SSBP3: variants seen among roughly 807,000 people sequenced by gnomAD.
SSBP3 encodes the protein single-stranded DNA-binding protein 3.
A neutral mutation model predicts 69.6 loss-of-function variants in SSBP3; 5 were observed. That is an observed-to-expected ratio of 0.07 (90% CI 0.04 to 0.15). The LOEUF is 0.15. Among genes scored for constraint, SSBP3 ranks in the 10% least tolerant of loss-of-function variants. SSBP3 has a pLI of 1.00. For synonymous variants in SSBP3, 196 were observed against 193.4 expected (o/e 1.01, Z -0.11); for missense variants, 312 against 534.0 (o/e 0.58, Z 4.10).
At chr1:54,327,033 G>GT (rs1387692757) in intron 4 of SSBP3, among the ~76,000 whole-genome samples, 1 of 152,044 alleles carries the variant, frequency 6.6e-6, no homozygotes, top group Non-Finnish European at 1.5e-5. Flanking sequence ...CGCCAGGGCA[G>GT]AGCCGGGCCT....
intron 4 of SSBP3, among the ~76,000 whole-genome samples, chr1:54,335,001 C>T (rs2100481287): frequency 6.6e-6 from 1 of 152,308 alleles, no homozygotes; most frequent in Admixed American, 6.5e-5. Context: ...ACTCAAGCAG[C>T]ACAGAGGCAC....
intron 4 of SSBP3, among the ~76,000 whole-genome samples, chr1:54,282,238 C>T (rs1645408822): frequency 6.6e-6 from 1 of 152,202 alleles, no homozygotes; most frequent in Non-Finnish European, 1.5e-5. Context: ...CTGAGAAGCT[C>T]TTGGCAGGCC....
At chr1:54,332,631 C>T (rs1179734229) in intron 4 of SSBP3, among the ~76,000 whole-genome samples, 1 of 152,158 alleles carries the variant, frequency 6.6e-6, no homozygotes, top group African/African-American at 2.4e-5. Flanking sequence ...CCTCCACTCC[C>T]TAACCAGAGC....
chr1:54,375,767 T>C (rs1360380109), intron 4 of SSBP3, among the ~76,000 whole-genome samples: 3 of 152,226 alleles, frequency 2.0e-5, no homozygotes, highest in East Asian at 3.9e-4. Flanking sequence ...AGCCTTCCTC[T>C]GGACTGGACT....
intron 14 of SSBP3, chr1:54,237,859 G>A: frequency 3.1e-6 from 1 of 325,918 alleles, no homozygotes; most frequent in Non-Finnish European, 6.1e-6. Flanking sequence ...CCTGAGTGAT[G>A]TGATCCATGG....
intron 4 of SSBP3, among the ~76,000 whole-genome samples, chr1:54,304,489 C>A (rs1471475818): frequency 1.3e-5 from 2 of 152,202 alleles, no homozygotes; most frequent in African/African-American, 2.4e-5. Context: ...AGGGGCTCCC[C>A]AGGGAAGAGA....
chr1:54,244,025 G>A (rs1265115296), intron 9 of SSBP3, among the ~76,000 whole-genome samples: 2 of 152,100 alleles, frequency 1.3e-5, no homozygotes, highest in Admixed American at 1.3e-4. Context: ...GACCTCCTGG[G>A]CTCAAGCAAT....
At chr1:54,365,837 G>C (rs1307062400) in intron 4 of SSBP3, among the ~76,000 whole-genome samples, 1 of 152,168 alleles carries the variant, frequency 6.6e-6, no homozygotes, top group Non-Finnish European at 1.5e-5. Flanking sequence ...TAACTGTTAA[G>C]AGCACTGACT....
intron 5 of SSBP3, among the ~76,000 whole-genome samples, chr1:54,272,557 G>A (rs1160578680): frequency 6.6e-6 from 1 of 151,024 alleles, no homozygotes; most frequent in East Asian, 1.9e-4. Context: ...AGGAGCAAGA[G>A]AGTCCACCCC....
intron 4 of SSBP3, among the ~76,000 whole-genome samples, chr1:54,380,320 G>A (rs1647525753): frequency 6.6e-6 from 1 of 152,048 alleles, no homozygotes; most frequent in African/African-American, 2.4e-5. Flanking sequence ...ATGCCCAAAT[G>A]CTTGAGTCTT....
chr1:54,304,077 G>A (rs925086758), intron 4 of SSBP3, among the ~76,000 whole-genome samples: 2 of 152,092 alleles, frequency 1.3e-5, no homozygotes, highest in Non-Finnish European at 2.9e-5. Context: ...TCAGACAAGG[G>A]GAAACTTGAA....
intron 4 of SSBP3, among the ~76,000 whole-genome samples, chr1:54,360,915 AC>A (rs1459860069): frequency 7.7e-6 from 1 of 130,574 alleles, no homozygotes; most frequent in African/African-American, 3.0e-5. Context: ...CCTTGTCTCT[AC>A]TTAAAAAAAA....
At chr1:54,406,741 T>C (rs1649807324), upstream of SSBP3, among the ~76,000 whole-genome samples, 1 of 150,940 alleles carries the variant, frequency 6.6e-6, no homozygotes, top group Non-Finnish European at 1.5e-5. Flanking sequence ...ACTGGGGGGC[T>C]AGGGGGGCGC....
At chr1:54,276,738 A>G (rs996091767) in intron 5 of SSBP3, among the ~76,000 whole-genome samples, 3 of 152,064 alleles carry the variant, frequency 2.0e-5, no homozygotes, top group African/African-American at 7.3e-5. Context: ...AGATCTGGCC[A>G]AGACATTATC....
rs1183117583 is a variant in SSBP3, at chr1:54,389,307, TTTTG to T, written c.276+12550_276+12553del. ...GTAGGAGATTTAATAAAAGGGAGCCTTTTGAGTGAAGAGATAGCAAACCTTTTCT... is the reference window on the plus strand; with the variant it reads ...GTAGGAGATTTAATAAAAGGGAGCCTAGTGAAGAGATAGCAAACCTTTTCT... On this transcript the variant is annotated intron_variant, in intron 4 of 17. Transcript: ENST00000610401. Among the ~76,000 whole-genome samples the T allele has an allele frequency of 5.3e-5, 8 of 152,236 alleles. No homozygotes were observed. In the South Asian group the frequency reaches 1.2e-3, roughly 24 times the overall value.
intron 4 of SSBP3, among the ~76,000 whole-genome samples, chr1:54,332,953 C>CGG (rs1347147548): frequency 2.6e-5 from 4 of 152,156 alleles, no homozygotes; most frequent in African/African-American, 9.7e-5. Context: ...CACGCGTGCG[C>CGG]CTCCTCCCAC....
intron 9 of SSBP3, among the ~76,000 whole-genome samples, chr1:54,243,783 C>T (rs1243218057): frequency 6.6e-6 from 1 of 152,208 alleles, no homozygotes. Flanking sequence ...CTGGCACATA[C>T]AGACACGCCA....
chr1:54,322,316 G>C (rs1444857735), intron 4 of SSBP3, among the ~76,000 whole-genome samples: 3 of 152,170 alleles, frequency 2.0e-5, no homozygotes, highest in African/African-American at 7.2e-5. Flanking sequence ...AAGTTTTGTA[G>C]CACGGGGAAG....
intron 4 of SSBP3, among the ~76,000 whole-genome samples, chr1:54,369,521 T>TAG (rs766249651): frequency 2.6e-5 from 4 of 152,130 alleles, no homozygotes; most frequent in Non-Finnish European, 5.9e-5. Context: ...AGAGAACCAC[T>TAG]AGTTAGGTGA....
Sources: allele counts gnomAD v4.1 joint callset (sites outside exome capture counted in the v4.1 genomes callset), GRCh38; gene constraint gnomAD v4.1.1; transcripts MANE v1.5; gene names NCBI Gene and HGNC (gene_info 2026-07-23, HGNC 2026-07-21).